IL15RA: variants seen among roughly 807,000 people sequenced by gnomAD.
The protein encoded by IL15RA is interleukin-15 receptor subunit alpha.
IL15RA carries 26 observed loss-of-function variants against 24.2 expected under a neutral mutation model. The ratio of observed to expected loss-of-function variants is 1.07; its 90% CI spans 0.79 to 1.49. IL15RA has a LOEUF of 1.49. IL15RA is among the 40% of genes most tolerant of loss of function. IL15RA has a pLI of 0.00. For missense variants in IL15RA, 354 were observed against 356.4 expected, an observed-to-expected ratio of 0.99 and a Z score of 0.05; for synonymous variants, 166 against 157.6, an observed-to-expected ratio of 1.05 and a Z score of -0.40.
rs1394540785 is a variant in IL15RA, at chr10:5,966,350, G to A, written c.89-11C>T. On this transcript the variant is annotated splice_polypyrimidine_tract_variant and intron_variant, in intron 1 of 6. Coordinates refer to ENST00000379977, the MANE Select transcript of IL15RA (RefSeq NM_002189.4). The surrounding 1 kb of genome is among the most constrained non-coding windows in gnomAD (Gnocchi z 6.4). ...GAGGGCACGTGATGCCTGCGAAAGTGCAGAGGACAGGGGACGGTGAAGAGG... is the reference window on the plus strand; with the variant it reads ...GAGGGCACGTGATGCCTGCGAAAGTACAGAGGACAGGGGACGGTGAAGAGG... The A allele has an allele frequency of 1.9e-6, 3 of 1,601,686 alleles. No homozygotes were observed. The highest frequency in any genetic ancestry group is 1.1e-5 in the South Asian group (1 of 90,878).
upstream of IL15RA, chr10:5,977,758 TG>T: frequency 1.2e-6 from 1 of 805,472 alleles, no homozygotes; most frequent in East Asian, 3.4e-5. Context: ...CCGTGCCCGG[TG>T]GGGACCCAGG....
At chr10:5,976,383 T>C (rs1034999197) in intron 1 of IL15RA, among the ~76,000 whole-genome samples, 1 of 152,194 alleles carries the variant, frequency 6.6e-6, no homozygotes, top group Non-Finnish European at 1.5e-5. Flanking sequence ...TGGATGTAAA[T>C]TATTCAGGGT....
Position 5,964,842 on chromosome 10 carries a change from C to A in IL15RA, c.284-1001G>T, listed in dbSNP as rs777861624. Reference sequence around the variant, plus strand: ...CCCACAGATCCTGCTCACCCCGCCACGCTCAGCTTTCCCATTCACTCACTG... The same window carrying A: ...CCCACAGATCCTGCTCACCCCGCCAAGCTCAGCTTTCCCATTCACTCACTG... On this transcript the variant is annotated intron_variant, in intron 2 of 6. Transcript: ENST00000379977. This position sits in a 1 kb window ranked among gnomAD's most constrained non-coding sequence, Gnocchi z 5.6. Among the ~76,000 whole-genome samples, 1 of 152,252 alleles carries A rather than the reference C, an allele frequency of 6.6e-6. No individual in the cohort carries two copies. The highest frequency in any genetic ancestry group is 1.5e-5 in the Non-Finnish European group (1 of 68,046).
Position 5,960,778 on chromosome 10 carries a change from C to T in IL15RA, c.383-211G>A, listed in dbSNP as rs1003910128. Among the ~76,000 whole-genome samples the T allele has an allele frequency of 2.6e-5, 4 of 152,118 alleles. No homozygotes were observed. Among genetic ancestry groups the T allele is most frequent in the African/African-American group, 4.8e-5 (2 of 41,414 alleles). On this transcript the variant is annotated intron_variant, in intron 3 of 6. Transcript: ENST00000379977. This position sits in a 1 kb window ranked among gnomAD's most constrained non-coding sequence, Gnocchi z 5.1. Reference sequence around the variant, plus strand: ...ACACTAAAGAACATGGCTACTATCACGGCACGTATAAAGAAAAGATCAGCC... The same window carrying T: ...ACACTAAAGAACATGGCTACTATCATGGCACGTATAAAGAAAAGATCAGCC...
At chr10:5,977,673 C>A, upstream of IL15RA, 1 of 1,241,192 alleles carries the variant, frequency 8.1e-7, no homozygotes, top group South Asian at 3.6e-5. Flanking sequence ...CTCAGCGTCC[C>A]CACCCCTGCT....
intron 1 of IL15RA, among the ~76,000 whole-genome samples, chr10:5,976,769 T>C (rs1227119044): frequency 1.3e-5 from 2 of 151,974 alleles, no homozygotes; most frequent in African/African-American, 4.8e-5. Context: ...TCTGCGAGTG[T>C]AGACTCCAGG....
Position 5,967,787 on chromosome 10 carries a change from G to A in IL15RA, c.89-1448C>T, listed in dbSNP as rs531365621. Among the ~76,000 whole-genome samples, 6 of 152,276 alleles carry A rather than the reference G, an allele frequency of 3.9e-5. No individual in the cohort carries two copies. The highest frequency in any genetic ancestry group is 1.9e-4 in the East Asian group (1 of 5,180). ...ATTCGATAAAGAATAGGCTGGGTGC[G>A]GTAGCTCACGCCTGTAATCCGAGGA... On this transcript the variant is annotated intron_variant, in intron 1 of 6. Coordinates refer to ENST00000379977, the MANE Select transcript of IL15RA (RefSeq NM_002189.4). The surrounding 1 kb of genome is among the most constrained non-coding windows in gnomAD (Gnocchi z 4.4).
In IL15RA at chr10:5,973,705, A is replaced by G. The variant is rs184927182; in HGVS notation, c.88+3700T>C. Among the ~76,000 whole-genome samples the G allele has an allele frequency of 1.8e-3, 276 of 152,370 alleles. No homozygotes were observed. Among genetic ancestry groups the G allele is most frequent in the African/African-American group, 6.3e-3 (261 of 41,584 alleles). On this transcript the variant is annotated intron_variant, in intron 1 of 6. Coordinates refer to ENST00000379977, the MANE Select transcript of IL15RA (RefSeq NM_002189.4). This position sits in a 1 kb window ranked among gnomAD's most constrained non-coding sequence, Gnocchi z 4.5. ...TCACAGCCATAAATGTAAACCCTAA[A>G]GCTATAAAACTTCTAGAGGAACACA...
Position 5,963,857 on chromosome 10 carries a change from C to A in IL15RA, c.284-16G>T. ...GCAGGGTCTCCTAGAGAGAGGATAA[C>A]CACATGGCACTTATGATCCTGAGCC... On this transcript the variant is annotated splice_polypyrimidine_tract_variant and intron_variant, in intron 2 of 6. Transcript: ENST00000379977. The surrounding 1 kb of genome is among the most constrained non-coding windows in gnomAD (Gnocchi z 5.3). 6.6e-7 allele frequency: 1 copy of A among 1,507,772 alleles called. No individual in the cohort carries two copies. Among genetic ancestry groups the A allele is most frequent in the Non-Finnish European group, 9.0e-7 (1 of 1,115,978 alleles). 93.4% of individuals were successfully genotyped at this position (1,507,772 alleles called of 1,614,324 possible). A position where few individuals can be genotyped will look rare whatever the true frequency, so the allele number is the denominator to read the frequency against.
At chr10:5,972,580 T>C (rs1021147533) in intron 1 of IL15RA, among the ~76,000 whole-genome samples, 11 of 152,264 alleles carry the variant, frequency 7.2e-5, no homozygotes, top group Admixed American at 6.5e-4. Context: ...TTTATTTACT[T>C]TTCTTATTAC....
In IL15RA at chr10:5,966,027, G is replaced by T; in HGVS notation, c.283+118C>A. 3.0e-6 allele frequency: 2 copies of T among 672,062 alleles called. No individual in the cohort carries two copies. The highest frequency in any genetic ancestry group is 5.0e-6 in the Non-Finnish European group (2 of 402,668). The allele number at this position is 672,062 out of a possible 1,614,324, so 41.6% of individuals were successfully genotyped here. The stretch of plus-strand genomic sequence containing the variant: ...TGAGCCACCGTGCCCGGCCCCCACT[G>T]GTGTGTTTAGCCTCAGACCTCAGCA... On this transcript the variant is annotated intron_variant, in intron 2 of 6. Transcript: ENST00000379977. The surrounding 1 kb of genome is among the most constrained non-coding windows in gnomAD (Gnocchi z 6.4).
In IL15RA at chr10:5,971,704, C is replaced by G. The variant is rs1316881552; in HGVS notation, c.89-5365G>C. Reference sequence around the variant, plus strand: ...GCAAAGGCCTCTGGCCTCACAGTCACCCATCACCTTCCTTCCTTATTTTCC... The same window carrying G: ...GCAAAGGCCTCTGGCCTCACAGTCAGCCATCACCTTCCTTCCTTATTTTCC... On this transcript the variant is annotated intron_variant, in intron 1 of 6. Coordinates refer to ENST00000379977, the MANE Select transcript of IL15RA (RefSeq NM_002189.4). This position sits in a 1 kb window ranked among gnomAD's most constrained non-coding sequence, Gnocchi z 5.5. 6.6e-6 allele frequency among the ~76,000 whole-genome samples: 1 copy of G among 152,244 alleles called. No individual in the cohort carries two copies. The highest frequency in any genetic ancestry group is 1.5e-5 in the Non-Finnish European group (1 of 68,042).
At chr10:5,972,067 C>A (rs989730489) in intron 1 of IL15RA, among the ~76,000 whole-genome samples, 1 of 152,226 alleles carries the variant, frequency 6.6e-6, no homozygotes, top group African/African-American at 2.4e-5. Flanking sequence ...GATTTCATCA[C>A]CACCCACCAG....
intron 1 of IL15RA, among the ~76,000 whole-genome samples, chr10:5,976,300 G>A (rs2132754092): frequency 6.6e-6 from 1 of 152,236 alleles, no homozygotes; most frequent in Non-Finnish European, 1.5e-5. Context: ...GTGGGGGGGC[G>A]TTCAGGCCAC....
Position 5,965,262 on chromosome 10 carries a change from C to A in IL15RA, c.283+883G>T, listed in dbSNP as rs1039852840. Among the ~76,000 whole-genome samples, 2 of 152,260 alleles carry A rather than the reference C, an allele frequency of 1.3e-5. No individual in the cohort carries two copies. The highest frequency in any genetic ancestry group is 6.5e-5 in the Admixed American group (1 of 15,288). On this transcript the variant is annotated intron_variant, in intron 2 of 6. Coordinates refer to ENST00000379977, the MANE Select transcript of IL15RA (RefSeq NM_002189.4). This position sits in a 1 kb window ranked among gnomAD's most constrained non-coding sequence, Gnocchi z 5.8. ...AGTTGATTCTTGCCACCTTCCCTCA[C>A]CCCTGCTGGACACCATGCACAGGTG... is the stretch of plus-strand genomic sequence containing the variant.
At chr10:5,974,248 C>T (rs8177647) in intron 1 of IL15RA, among the ~76,000 whole-genome samples, 15,074 of 152,106 alleles carry the variant, frequency 0.099, 940 homozygotes, top group East Asian at 0.27. Context: ...GATCTGCCCG[C>T]GTTGGCCTCC....
Position 5,973,422 on chromosome 10 carries a change from T to C in IL15RA, c.88+3983A>G, listed in dbSNP as rs1461521720. Among the ~76,000 whole-genome samples, 2 of 152,188 alleles carry C rather than the reference T, an allele frequency of 1.3e-5. No individual in the cohort carries two copies. The highest frequency in any genetic ancestry group is 1.9e-4 in the East Asian group (1 of 5,206). On this transcript the variant is annotated intron_variant, in intron 1 of 6. Coordinates refer to ENST00000379977, the MANE Select transcript of IL15RA (RefSeq NM_002189.4). This position sits in a 1 kb window ranked among gnomAD's most constrained non-coding sequence, Gnocchi z 4.5. Reference sequence around the variant, plus strand: ...TGTTATTTCAAATGACTTTTTAAAGTTTTTTAATTTCTAATTGTTCATTGT... The same window carrying C: ...TGTTATTTCAAATGACTTTTTAAAGCTTTTTAATTTCTAATTGTTCATTGT...
downstream of IL15RA, among the ~76,000 whole-genome samples, chr10:5,949,836 C>A (rs1205434561): frequency 6.6e-6 from 1 of 152,166 alleles, no homozygotes; most frequent in Non-Finnish European, 1.5e-5. This position sits in a 1 kb window ranked among gnomAD's most constrained non-coding sequence, Gnocchi z 4.4. Flanking sequence ...GTGGCTCAAG[C>A]CTGTAATCCC....
Position 5,968,935 on chromosome 10 carries a change from C to T in IL15RA, c.89-2596G>A, listed in dbSNP as rs1362910556. ...GCCAGCCTGTCTCTTGCATCTGTAA[C>T]AGGTTTTGTACAGGAAGTGTTCCCT... On this transcript the variant is annotated intron_variant, in intron 1 of 6. Transcript: ENST00000379977. The surrounding 1 kb of genome is among the most constrained non-coding windows in gnomAD (Gnocchi z 5.4). 16 of 1,533,092 alleles carry T rather than the reference C, an allele frequency of 1.0e-5. No individual in the cohort carries two copies. The highest frequency in any genetic ancestry group is 1.4e-5 in the African/African-American group (1 of 73,096). 95.0% of individuals were successfully genotyped at this position (1,533,092 alleles called of 1,614,324 possible).
Sources: allele counts gnomAD v4.1 joint callset (sites outside exome capture counted in the v4.1 genomes callset), GRCh38; gene constraint gnomAD v4.1.1; non-coding constraint Gnocchi (gnomAD v3.1); transcripts MANE v1.5; gene names NCBI Gene and HGNC (gene_info 2026-07-23, HGNC 2026-07-21).